Variants in MYCL observed in about 807,000 individuals in gnomAD.
The protein encoded by MYCL is protein L-Myc.
A neutral mutation model predicts 31.0 loss-of-function variants in MYCL; 11 were observed. The ratio of observed to expected loss-of-function variants is 0.35; its 90% CI spans 0.22 to 0.59. The LOEUF (loss-of-function observed/expected upper bound fraction) is 0.59. MYCL is among the 20% of genes least tolerant of loss of function. The pLI is 0.79. For synonymous variants in MYCL, 208 were observed against 202.4 expected (o/e 1.03, Z -0.23); for missense variants, 427 against 486.1 (o/e 0.88, Z 1.14).
chr1:39,899,869 T>G, intron 1 of MYCL: 1 of 985,460 alleles, frequency 1.0e-6, no homozygotes, highest in Non-Finnish European at 1.2e-6. Flanking sequence ...GCTTTCTTGG[T>G]CCTAATTTAT....
In MYCL at chr1:39,901,006, GGCGGGCGCC is replaced by G; in HGVS notation, c.420_428del (p.Ala143_Pro145del). The G allele has an allele frequency of 6.7e-7, 1 of 1,488,758 alleles. No individual in the cohort carries two copies. The highest frequency in any genetic ancestry group is 1.4e-5 in the South Asian group (1 of 73,938). The allele number at this position is 1,488,758 out of a possible 1,614,324, so 92.2% of individuals were successfully genotyped here. A position where few individuals can be genotyped will look rare whatever the true frequency, so the allele number is the denominator to read the frequency against. Reference sequence around the variant, plus strand: ...TGGGTTCGCCCAGCGGACAGGGGGCGGCGGGCGCCGGGTTGCCGGCTTCGAGGCTGGGAG... The same window carrying G: ...TGGGTTCGCCCAGCGGACAGGGGGCGGGGTTGCCGGCTTCGAGGCTGGGAG... On this transcript the variant is annotated inframe_deletion, in exon 1 of 2. Transcript: ENST00000372816. The surrounding 1 kb of genome is among the most constrained non-coding windows in gnomAD (Gnocchi z 6.9).
chr1:39,901,824 G>A lies in MYCL; in HGVS notation c.-390C>T, dbSNP rs1159370367. The A allele has an allele frequency of 3.9e-6, 5 of 1,272,102 alleles. No individual in the cohort carries two copies. Among genetic ancestry groups the A allele is most frequent in the Admixed American group, 3.2e-5 (1 of 31,234 alleles). The allele number at this position is 1,272,102 out of a possible 1,614,324, so 78.8% of individuals were successfully genotyped here. A position where few individuals can be genotyped will look rare whatever the true frequency, so the allele number is the denominator to read the frequency against. Reference sequence around the variant, plus strand: ...CAGCCTCACCTCGCTCCAGCCGCCCGCCACCTGGAGCGGACCGGCTCCCCG... The same window carrying A: ...CAGCCTCACCTCGCTCCAGCCGCCCACCACCTGGAGCGGACCGGCTCCCCG... On this transcript the variant is annotated 5_prime_UTR_variant, in exon 1 of 2. Coordinates refer to ENST00000372816, the MANE Select transcript of MYCL (RefSeq NM_001033081.3). This position sits in a 1 kb window ranked among gnomAD's most constrained non-coding sequence, Gnocchi z 6.9.
intron 1 of MYCL, chr1:39,898,717 G>A (rs1029535767): frequency 2.6e-5 from 26 of 985,360 alleles, no homozygotes; most frequent in Admixed American, 1.8e-4. Context: ...ACTTCACAAA[G>A]GTACAAGCGA....
At chr1:39,898,087 TTAGATATA>T (rs11279387) in intron 1 of MYCL, 117 bp from the exon 2 acceptor site, 65,929 of 1,441,832 alleles carry the variant, frequency 0.046, 10,288 homozygotes, top group East Asian at 0.46. Flanking sequence ...TTTTTCCAAT[TTAGATATA>T]TACAAATCGA....
In MYCL at chr1:39,897,369, C is replaced by G. The variant is rs765054953; in HGVS notation, c.*3G>C. On this transcript the variant is annotated 3_prime_UTR_variant, in exon 2 of 2. Coordinates refer to ENST00000372816, the MANE Select transcript of MYCL (RefSeq NM_001033081.3). The surrounding 1 kb of genome is among the most constrained non-coding windows in gnomAD (Gnocchi z 4.3). ...AGACAGAACTGTCAGGCTTTTTGGT[C>G]AGTTAGTAGCCAGTGAGGTATGCAA... 40 of 1,568,912 alleles carry G rather than the reference C, an allele frequency of 2.5e-5. No individual in the cohort carries two copies. The South Asian group carries it at 4.5e-4, about 18-fold the overall frequency.
rs531439918 is a variant in MYCL at position 39,897,606 on chromosome 1, G to T, written c.861C>A (p.Asn287Lys). ...CATTCCGCCTCTTGCGCTCCAGGAA[G>T]TTGTGATTCTTCCTCTTGGTCACAT... ...TEDVTKRKNH[N>K]FLERKRRNDL... is the part of the protein sequence containing the mutation. Residue 287 changes from asparagine (N) to lysine (K), a missense_variant, in exon 2 of 2, where the codon AAC becomes AAA. Asn to Lys is a moderately conservative substitution (Grantham distance 94). Coordinates refer to ENST00000372816, the MANE Select transcript of MYCL (RefSeq NM_001033081.3). The surrounding 1 kb of genome is among the most constrained non-coding windows in gnomAD (Gnocchi z 4.3). 2 of 1,614,244 alleles carry T rather than the reference G, an allele frequency of 1.2e-6. No homozygotes were observed. The highest frequency in any genetic ancestry group is 2.2e-5 in the South Asian group (2 of 91,090).
chr1:39,899,636 T>G (rs937346463), intron 1 of MYCL: 43 of 985,336 alleles, frequency 4.4e-5, no homozygotes, highest in Non-Finnish European at 5.1e-5. Flanking sequence ...CTTTATTGGT[T>G]TTTTGATCTC....
chr1:39,898,104 G>A, intron 1 of MYCL, 134 bp from the exon 2 acceptor site: 1 of 1,313,886 alleles, frequency 7.6e-7, no homozygotes, highest in Non-Finnish European at 1.0e-6. Context: ...TATACAAATC[G>A]AGGTGAGCAG....
At chr1:39,900,667 C>G (rs1340421552) in intron 1 of MYCL, 5 of 1,369,702 alleles carry the variant, frequency 3.7e-6, no homozygotes, top group South Asian at 3.9e-5. Flanking sequence ...ATTGTCCTCT[C>G]TAAGCGCCAA....
chr1:39,897,322 A>C lies in MYCL; in HGVS notation c.*50T>G, dbSNP rs1451704303. 2 of 1,509,098 alleles carry C rather than the reference A, an allele frequency of 1.3e-6. No homozygotes were observed. The highest frequency in any genetic ancestry group is 1.8e-6 in the Non-Finnish European group (2 of 1,120,692). The allele number at this position is 1,509,098 out of a possible 1,614,324, so 93.5% of individuals were successfully genotyped here. ...TTACTAAAGGGGAGAGGGAGGTTAA[A>C]AAATAAACTTGTGTCTTCGTAAGAC... On this transcript the variant is annotated 3_prime_UTR_variant, in exon 2 of 2. Coordinates refer to ENST00000372816, the MANE Select transcript of MYCL (RefSeq NM_001033081.3). This position sits in a 1 kb window ranked among gnomAD's most constrained non-coding sequence, Gnocchi z 4.3.
chr1:39,898,369 C>A (rs772343205), intron 1 of MYCL, among the ~76,000 whole-genome samples: 25 of 152,230 alleles, frequency 1.6e-4, no homozygotes, highest in Non-Finnish European at 3.2e-4. Context: ...CATGCCCCAT[C>A]AGAATTGTAA....
Position 39,895,877 on chromosome 1 carries a change from G to C in MYCL, c.*1495C>G, listed in dbSNP as rs1426919734. The C allele has an allele frequency of 4.5e-6, 1 of 222,106 alleles. No individual in the cohort carries two copies. Among genetic ancestry groups the C allele is most frequent in the East Asian group, 6.5e-5 (1 of 15,298 alleles). The allele number at this position is 222,106 out of a possible 1,614,324, so 13.8% of individuals were successfully genotyped here. On this transcript the variant is annotated 3_prime_UTR_variant, in exon 2 of 2. Transcript: ENST00000372816. ...ATTATGGACAATAGATTTGGAAGTA[G>C]CAGCTGGTTTTCCAGAGCCATATAT... is the stretch of plus-strand genomic sequence containing the variant.
intron 1 of MYCL, chr1:39,899,098 A>C: frequency 1.0e-6 from 1 of 985,184 alleles, no homozygotes. Flanking sequence ...CTGGCCCCAA[A>C]GCCCATGATT....
intron 1 of MYCL, chr1:39,899,852 A>G (rs1644517893): frequency 1.0e-6 from 1 of 985,232 alleles, no homozygotes. Flanking sequence ...CCTAAAAGCT[A>G]CAGTGAGCTT....
intron 1 of MYCL, among the ~76,000 whole-genome samples, chr1:39,899,271 C>T (rs932604784): frequency 1.3e-5 from 2 of 152,186 alleles, no homozygotes; most frequent in African/African-American, 2.4e-5. Flanking sequence ...AGCTCACAAA[C>T]AGGTTCAGGT....
chr1:39,897,154 T>C lies in MYCL; in HGVS notation c.*218A>G. ...GGGAAGCCAAAGGCGCCAGAGAACA[T>C]ACAGCACTCCCATGAGTCAGGGAAG... On this transcript the variant is annotated 3_prime_UTR_variant, in exon 2 of 2. Transcript: ENST00000372816. The surrounding 1 kb of genome is among the most constrained non-coding windows in gnomAD (Gnocchi z 4.3). 1.7e-6 allele frequency: 1 copy of C among 575,860 alleles called. No homozygotes were observed. The highest frequency in any genetic ancestry group is 3.1e-6 in the Non-Finnish European group (1 of 327,178). The allele number at this position is 575,860 out of a possible 1,614,324, so 35.7% of individuals were successfully genotyped here.
rs950290805 is a variant in MYCL at position 39,901,872 on chromosome 1, C to T, written c.-438G>A. 3 of 1,209,706 alleles carry T rather than the reference C, an allele frequency of 2.5e-6. No individual in the cohort carries two copies. Among genetic ancestry groups the T allele is most frequent in the African/African-American group, 1.6e-5 (1 of 61,992 alleles). The allele number at this position is 1,209,706 out of a possible 1,614,324, so 74.9% of individuals were successfully genotyped here. A position where few individuals can be genotyped will look rare whatever the true frequency, so the allele number is the denominator to read the frequency against. ...CCGCCGGCTCGGGGCAGCCCGGCAG[C>T]CAGCACACACGCACATGCGCGCCGC... On this transcript the variant is annotated 5_prime_UTR_variant, in exon 1 of 2. Transcript: ENST00000372816. This position sits in a 1 kb window ranked among gnomAD's most constrained non-coding sequence, Gnocchi z 6.9.
rs771668412 is a variant in MYCL, at chr1:39,901,112, G to C, written c.323C>G (p.Ala108Gly). Reference protein sequence around the residue: ...GFSARERLERAVSDRLAPGAP... With the variant: ...GFSARERLERGVSDRLAPGAP... The stretch of plus-strand genomic sequence containing the variant: ...GCCAGGAGCGAGCCGGTCGCTCACA[G>C]CTCTCTCCAGCCGTTCCCGGGCCGA... The change falls in exon 1 of 2, where the codon GCT (alanine) becomes GGT (glycine). Residue 108 changes from alanine to glycine, a missense_variant. Transcript: ENST00000372816. This position sits in a 1 kb window ranked among gnomAD's most constrained non-coding sequence, Gnocchi z 6.9. The C allele has an allele frequency of 6.9e-6, 11 of 1,598,416 alleles. No homozygotes were observed. Among genetic ancestry groups the C allele is most frequent in the Non-Finnish European group, 8.5e-7 (1 of 1,173,146 alleles).
At chr1:39,900,894 A>T (rs1013176641) in intron 1 of MYCL, 45 bp downstream of exon 1, 12 of 1,501,846 alleles carry the variant, frequency 8.0e-6, no homozygotes, top group Non-Finnish European at 1.1e-5. Context: ...AGCTTTGGCC[A>T]CCCATGGGGT....
Sources: allele counts gnomAD v4.1 joint callset (sites outside exome capture counted in the v4.1 genomes callset), GRCh38; gene constraint gnomAD v4.1.1; non-coding constraint Gnocchi (gnomAD v3.1); transcripts MANE v1.5; gene names NCBI Gene and HGNC (gene_info 2026-07-23, HGNC 2026-07-21).